The following MGAT4C variants were observed in gnomAD, a reference collection of about 807,000 sequenced individuals.
MGAT4C encodes MGAT4 family member C, also known as alpha-1,3-mannosyl-glycoprotein 4-beta-N-acetylglucosaminyltransferase C.
A neutral mutation model predicts 40.1 loss-of-function variants in MGAT4C; 19 were observed. That is an observed-to-expected ratio of 0.47 (90% confidence interval 0.33 to 0.70). MGAT4C has a LOEUF of 0.70. MGAT4C is among the 30% of genes least tolerant of loss of function. The probability of loss-of-function intolerance (pLI) is 0.02; values close to 1 mark genes in which losing one functional copy is unlikely to be tolerated. For missense variants in MGAT4C, 491 were observed against 563.2 expected (o/e 0.87, Z 1.30); for synonymous variants, 181 against 187.1 (o/e 0.97, Z 0.27).
At chr12:86,317,722 CT>C (rs1362326128) in intron 4 of MGAT4C, among the ~76,000 whole-genome samples, 3 of 151,508 alleles carry the variant, frequency 2.0e-5, no homozygotes, top group Admixed American at 2.0e-4. Flanking sequence ...AGAAGGTTTT[CT>C]AATAAATAAC....
chr12:86,123,236 T>C (rs1879718631), intron 1 of MGAT4C, among the ~76,000 whole-genome samples: 1 of 152,086 alleles, frequency 6.6e-6, no homozygotes, highest in South Asian at 2.1e-4. Context: ...TAAATAACTG[T>C]CAAAGTTTAG....
intron 1 of MGAT4C, among the ~76,000 whole-genome samples, chr12:86,157,552 A>T (rs527340092): frequency 7.0e-4 from 107 of 152,294 alleles, no homozygotes; most frequent in African/African-American, 2.5e-3. Flanking sequence ...CCCTGTTATT[A>T]GTCAGTTTTT....
At chr12:86,431,150 A>G (rs780383916) in intron 3 of MGAT4C, among the ~76,000 whole-genome samples, 5 of 152,178 alleles carry the variant, frequency 3.3e-5, no homozygotes, top group Admixed American at 6.5e-5. Context: ...AATTTTCACC[A>G]TGCTTTCAAA....
intron 4 of MGAT4C, among the ~76,000 whole-genome samples, chr12:86,281,441 T>C (rs977093879): frequency 6.6e-6 from 1 of 152,112 alleles, no homozygotes; most frequent in African/African-American, 2.4e-5. Flanking sequence ...AATAGAGATA[T>C]ATCTGTATCT....
chr12:86,120,141 T>C (rs1437982612), intron 1 of MGAT4C, among the ~76,000 whole-genome samples: 2 of 151,862 alleles, frequency 1.3e-5, no homozygotes, highest in South Asian at 4.1e-4. Flanking sequence ...GTAAGAAACA[T>C]AGGCAATATG....
chr12:86,427,208 T>A (rs1157763837), intron 3 of MGAT4C, among the ~76,000 whole-genome samples: 2 of 152,162 alleles, frequency 1.3e-5, no homozygotes, highest in Non-Finnish European at 2.9e-5. Flanking sequence ...GCTTTGATGC[T>A]TCCATTCTAC....
At chr12:86,802,663 A>T (rs1041370145) in intron 1 of MGAT4C, among the ~76,000 whole-genome samples, 2 of 150,864 alleles carry the variant, frequency 1.3e-5, no homozygotes, top group African/African-American at 4.9e-5. Flanking sequence ...TCCCATTCAC[A>T]ATTGCTTCAA....
chr12:86,193,345 A>G (rs1233450264), intron 1 of MGAT4C, among the ~76,000 whole-genome samples: 1 of 151,948 alleles, frequency 6.6e-6, no homozygotes, highest in Non-Finnish European at 1.5e-5. Context: ...TTTAAACAAC[A>G]TAAGGACCAT....
rs567471062 is a variant in MGAT4C at position 86,265,118 on chromosome 12, C to T, written c.-57+68947G>A. Reference sequence around the variant, plus strand: ...AGCTGCCCCACCCCCCGACCCCCAGCCGGCATGCCTGGCTGTGCGCAGTGG... The same window carrying T: ...AGCTGCCCCACCCCCCGACCCCCAGTCGGCATGCCTGGCTGTGCGCAGTGG... On this transcript the variant is annotated intron_variant, in intron 4 of 7. Transcript: ENST00000548651. Among the ~76,000 whole-genome samples, 274 of 152,164 alleles carry T rather than the reference C, an allele frequency of 1.8e-3. 1 individual carries two copies. Among genetic ancestry groups the T allele is most frequent in the African/African-American group, 6.1e-3 (254 of 41,524 alleles).
chr12:86,771,686 ATGTGTGTGTGTGTGTGTG>A (rs59917182), intron 1 of MGAT4C, among the ~76,000 whole-genome samples: 15 of 146,756 alleles, frequency 1.0e-4, no homozygotes, highest in Admixed American at 3.4e-4. Flanking sequence ...ATAAATATAT[ATGTGTGTGTGTGTGTGTG>A]TGTGTGTGTG....
chr12:86,011,741 C>T lies in MGAT4C; in HGVS notation c.-6-22189G>A, dbSNP rs899408694. 5.2e-5 allele frequency: 36 copies of T among 693,032 alleles called. 1 individual carries two copies. The highest frequency in any genetic ancestry group is 2.5e-4 in the South Asian group (4 of 15,794). The allele number at this position is 693,032 out of a possible 1,614,324, so 42.9% of individuals were successfully genotyped here. On this transcript the variant is annotated intron_variant, in intron 2 of 4. Coordinates refer to ENST00000611864, the MANE Select transcript of MGAT4C (RefSeq NM_001351288.2). ...AAAAAAAGTATGTTAATATAATTTG[C>T]GAATAATACTGATTACTAGGAATAA...
intron 3 of MGAT4C, among the ~76,000 whole-genome samples, chr12:85,984,775 T>G (rs965120467): frequency 6.6e-6 from 1 of 152,092 alleles, no homozygotes; most frequent in African/African-American, 2.4e-5. Context: ...TGGTTTTATT[T>G]ATTTATTTAA....
intron 2 of MGAT4C, among the ~76,000 whole-genome samples, chr12:86,459,717 T>C (rs932241109): frequency 2.6e-4 from 19 of 73,158 alleles, no homozygotes; most frequent in Middle Eastern, 0.013. Context: ...CCCACCCACA[T>C]GCGCATACAT....
chr12:86,054,616 T>G (rs968816823), intron 1 of MGAT4C, among the ~76,000 whole-genome samples: 1 of 151,992 alleles, frequency 6.6e-6, no homozygotes, highest in African/African-American at 2.4e-5. Context: ...TTAGCTCAAT[T>G]TAGCCATTCC....
chr12:86,192,870 T>C (rs1889680640), intron 1 of MGAT4C, among the ~76,000 whole-genome samples: 1 of 152,190 alleles, frequency 6.6e-6, no homozygotes, highest in Non-Finnish European at 1.5e-5. Flanking sequence ...TGTTGGTATG[T>C]TCAAACTTAG....
Position 86,109,239 on chromosome 12 carries a change from A to G in MGAT4C, c.-56-59516T>C, listed in dbSNP as rs573055423. ...GTGTCTTCTAAGACAATTTGTAATA[A>G]CAACAACAACAAACAAATTAATAGG... is the stretch of plus-strand genomic sequence containing the variant. On this transcript the variant is annotated intron_variant, in intron 1 of 4. Transcript: ENST00000611864. Among the ~76,000 whole-genome samples, 7 of 152,242 alleles carry G rather than the reference A, an allele frequency of 4.6e-5. No individual in the cohort carries two copies. In the East Asian group the frequency reaches 9.7e-4, roughly 21 times the overall value.
chr12:86,414,269 G>A (rs1220354710), intron 3 of MGAT4C, among the ~76,000 whole-genome samples: 1 of 152,098 alleles, frequency 6.6e-6, no homozygotes, highest in Non-Finnish European at 1.5e-5. Context: ...TCTAAGAATG[G>A]ATTTTAATTA....
chr12:86,672,686 G>A (rs1964289393), intron 2 of MGAT4C, among the ~76,000 whole-genome samples: 1 of 152,032 alleles, frequency 6.6e-6, no homozygotes, highest in African/African-American at 2.4e-5. Context: ...TTGTTCTCAT[G>A]TATAAGTGTA....
At chr12:86,767,491 A>G (rs942338489) in intron 1 of MGAT4C, among the ~76,000 whole-genome samples, 3 of 152,210 alleles carry the variant, frequency 2.0e-5, no homozygotes, top group African/African-American at 4.8e-5. Context: ...ATAGAAAAAG[A>G]GGGAATCCTC....
Sources: gnomAD v4.1 joint callset for allele counts (sites outside exome capture counted in the v4.1 genomes callset) on GRCh38, gnomAD v4.1.1 for gene constraint, MANE v1.5 for transcripts, NCBI Gene and HGNC (gene_info 2026-07-23, HGNC 2026-07-21) for gene names.